The following ELAVL2 variants were observed in gnomAD, a reference collection of about 807,000 sequenced individuals.
The protein encoded by ELAVL2 is ELAV like RNA binding protein 2.
A neutral mutation model predicts 34.6 loss-of-function variants in ELAVL2; 4 were observed. That is an observed-to-expected ratio of 0.12 (90% CI 0.06 to 0.26). The LOEUF (loss-of-function observed/expected upper bound fraction) is 0.26. Among genes scored for constraint, ELAVL2 ranks in the 10% least tolerant of loss-of-function variants. The pLI is 1.00. For synonymous variants in ELAVL2, 193 were observed against 154.8 expected, an observed-to-expected ratio of 1.25 and a Z score of -1.83; for missense variants, 432 against 442.8, an observed-to-expected ratio of 0.98 and a Z score of 0.22.
intron 1 of ELAVL2, among the ~76,000 whole-genome samples, chr9:23,778,395 G>A (rs1426400225): frequency 6.6e-6 from 1 of 152,150 alleles, no homozygotes; most frequent in African/African-American, 2.4e-5. Flanking sequence ...AAAAACAGTA[G>A]TGTTCAACAT....
chr9:23,694,160 G>C (rs1424037843), intron 5 of ELAVL2, among the ~76,000 whole-genome samples: 1 of 152,084 alleles, frequency 6.6e-6, no homozygotes, highest in Non-Finnish European at 1.5e-5. Context: ...CAAGAGTTCA[G>C]ATCCTGATCT....
chr9:23,697,635 A>T (rs1470279652), intron 5 of ELAVL2, among the ~76,000 whole-genome samples: 1 of 152,200 alleles, frequency 6.6e-6, no homozygotes, highest in African/African-American at 2.4e-5. Context: ...ATAACCTGTC[A>T]AAATTTTGAA....
At chr9:23,845,380 A>G in the ELAVL2 span, among the ~76,000 whole-genome samples, 3 of 151,876 alleles carry the variant, frequency 2.0e-5, no homozygotes, top group Admixed American at 2.0e-4. Context: ...GGGATGAAAC[A>G]GAAAATTATA....
intron 1 of ELAVL2, among the ~76,000 whole-genome samples, chr9:23,822,096 C>G (rs2064878163): frequency 6.6e-6 from 1 of 152,094 alleles, no homozygotes; most frequent in South Asian, 2.1e-4. Flanking sequence ...GAGGCTGATT[C>G]CAGGTGCAAG....
chr9:23,791,057 G>C (rs1379795904), intron 1 of ELAVL2, among the ~76,000 whole-genome samples: 1 of 152,208 alleles, frequency 6.6e-6, no homozygotes, highest in Non-Finnish European at 1.5e-5. Flanking sequence ...TAAAGCATAA[G>C]CATGGTGCCT....
At position 23,825,849 on chromosome 9, in the gene ELAVL2, C is replaced by A. The variant is rs895626664; in HGVS notation, c.-59G>T. The A allele has an allele frequency of 1.3e-5, 2 of 152,154 alleles. No homozygotes were observed. The highest frequency in any genetic ancestry group is 2.9e-5 in the Non-Finnish European group (2 of 68,024). 9.4% of individuals were successfully genotyped at this position (152,154 alleles called of 1,614,324 possible). ...TTGTGTATGTGTGTTTTTAAAGTAA[C>A]GGTGCAGTTCTCCCAATAAGGATGA... is the stretch of plus-strand genomic sequence containing the variant. On this transcript the variant is annotated 5_prime_UTR_variant, in exon 1 of 7. Coordinates refer to ENST00000397312, the MANE Select transcript of ELAVL2 (RefSeq NM_004432.5).
chr9:23,841,517 C>T, the ELAVL2 span, among the ~76,000 whole-genome samples: 2 of 151,834 alleles, frequency 1.3e-5, no homozygotes. Context: ...GCATAGATTA[C>T]CTAAGGGCTC....
Position 23,813,412 on chromosome 9 carries a change from CTT to C in ELAVL2, c.-16+12392_-16+12393del, listed in dbSNP as rs559247550. ...CACACACCTGGAAGTCTCATATCGG[CTT>C]TTTTTTTTTTTTTTTACAACAATCT... On this transcript the variant is annotated intron_variant, in intron 1 of 6. Transcript: ENST00000397312. Among the ~76,000 whole-genome samples, 142 of 132,784 alleles carry C rather than the reference CTT, an allele frequency of 1.1e-3. 1 individual carries two copies. The highest frequency in any genetic ancestry group is 3.0e-3 in the Admixed American group (40 of 13,314). 87.1% of individuals were successfully genotyped at this position (132,784 alleles called of 152,430 possible).
At chr9:23,832,588 C>T in the ELAVL2 span, among the ~76,000 whole-genome samples, 808 of 152,194 alleles carry the variant, frequency 5.3e-3, 4 homozygotes, top group African/African-American at 0.018. Context: ...ATTGCAAGTT[C>T]GTTGGTGTCC....
At chr9:23,837,042 G>A in the ELAVL2 span, among the ~76,000 whole-genome samples, 24 of 152,244 alleles carry the variant, frequency 1.6e-4, 1 homozygote, top group East Asian at 4.5e-3. Flanking sequence ...ATATATATGA[G>A]GACAAGACTG....
At chr9:23,711,566 C>A (rs1321468989) in intron 3 of ELAVL2, among the ~76,000 whole-genome samples, 2 of 152,174 alleles carry the variant, frequency 1.3e-5, no homozygotes, top group East Asian at 3.9e-4. Context: ...TGCCCTCCTT[C>A]CAATCAGCTA....
At chr9:23,804,511 T>C (rs978093093) in intron 1 of ELAVL2, among the ~76,000 whole-genome samples, 17 of 152,202 alleles carry the variant, frequency 1.1e-4, no homozygotes, top group African/African-American at 4.1e-4. Flanking sequence ...TATACCCTGA[T>C]TAATTTAACC....
At chr9:23,698,777 A>T (rs1372390412) in intron 5 of ELAVL2, among the ~76,000 whole-genome samples, 1 of 152,196 alleles carries the variant, frequency 6.6e-6, no homozygotes, top group African/African-American at 2.4e-5. Flanking sequence ...AATCAAGATA[A>T]TGACAACCAG....
At chr9:23,735,879 G>A (rs1420481621) in intron 2 of ELAVL2, among the ~76,000 whole-genome samples, 2 of 152,138 alleles carry the variant, frequency 1.3e-5, no homozygotes, top group Non-Finnish European at 2.9e-5. Flanking sequence ...AGGGTTCAGA[G>A]CAAGGAGAGG....
intron 3 of ELAVL2, among the ~76,000 whole-genome samples, chr9:23,719,390 A>C (rs1564063196): frequency 6.6e-6 from 1 of 152,228 alleles, no homozygotes; most frequent in East Asian, 1.9e-4. Context: ...TTCACAGTTC[A>C]TCTGACTTTG....
chr9:23,690,128 T>C lies in ELAVL2; in HGVS notation c.*2429A>G, dbSNP rs1320781539. The C allele has an allele frequency of 1.3e-5, 2 of 152,524 alleles. No individual in the cohort carries two copies. The highest frequency in any genetic ancestry group is 2.4e-5 in the African/African-American group (1 of 41,452). The allele number at this position is 152,524 out of a possible 1,614,324, so 9.4% of individuals were successfully genotyped here. On this transcript the variant is annotated 3_prime_UTR_variant, in exon 7 of 7. Coordinates refer to ENST00000397312, the MANE Select transcript of ELAVL2 (RefSeq NM_004432.5). ...CTTTCCCTTCAACTTTGTTTATTGA[T>C]GTACTGAACATGAAAAAGTACAAAG...
chr9:23,745,702 G>A (rs765344200), intron 2 of ELAVL2, among the ~76,000 whole-genome samples: 1 of 152,106 alleles, frequency 6.6e-6, no homozygotes, highest in Non-Finnish European at 1.5e-5. Context: ...CTACATGGCT[G>A]GAAACCAAAA....
intron 2 of ELAVL2, among the ~76,000 whole-genome samples, chr9:23,737,921 C>A (rs1564180823): frequency 6.6e-6 from 1 of 151,486 alleles, no homozygotes; most frequent in African/African-American, 2.4e-5. Flanking sequence ...GCCTTAACGA[C>A]AAAAAAAAGC....
At chr9:23,785,623 G>C (rs533340617) in intron 1 of ELAVL2, among the ~76,000 whole-genome samples, 2 of 152,086 alleles carry the variant, frequency 1.3e-5, no homozygotes, top group East Asian at 3.9e-4. Flanking sequence ...ACTGTCTCAC[G>C]TCTGTTAACC....
Sources: allele counts gnomAD v4.1 joint callset (sites outside exome capture counted in the v4.1 genomes callset), GRCh38; gene constraint gnomAD v4.1.1; transcripts MANE v1.5; gene names NCBI Gene and HGNC (gene_info 2026-07-23, HGNC 2026-07-21).